The following WNT9A variants were observed in gnomAD, a reference collection of about 807,000 sequenced individuals.
WNT9A encodes Wnt family member 9A.
A neutral mutation model predicts 31.4 loss-of-function variants in WNT9A; 8 were observed. That is an observed-to-expected ratio of 0.26 (90% CI 0.15 to 0.46). WNT9A has a LOEUF of 0.46. WNT9A is among the 20% of genes least tolerant of loss of function. The pLI is 0.99. For missense variants in WNT9A, 457 were observed against 522.9 expected, an observed-to-expected ratio of 0.87 and a Z score of 1.23; for synonymous variants, 236 against 220.1, an observed-to-expected ratio of 1.07 and a Z score of -0.64.
intron 1 of WNT9A, among the ~76,000 whole-genome samples, chr1:227,929,666 T>C (rs1312922053): frequency 6.6e-6 from 1 of 152,234 alleles, no homozygotes; most frequent in Non-Finnish European, 1.5e-5. Flanking sequence ...AGACCTGGTC[T>C]CTATAAAATA....
At chr1:227,934,608 T>C (rs1439485646) in intron 1 of WNT9A, among the ~76,000 whole-genome samples, 1 of 152,220 alleles carries the variant, frequency 6.6e-6, no homozygotes, top group Admixed American at 6.5e-5. Flanking sequence ...CTTCCTTCTA[T>C]TTCCTTTCAC....
chr1:227,944,304 T>C (rs754507113), intron 1 of WNT9A, among the ~76,000 whole-genome samples: 7 of 152,120 alleles, frequency 4.6e-5, no homozygotes, highest in Non-Finnish European at 8.8e-5. Context: ...CTAGGAAACG[T>C]CCAGGACAGG....
Position 227,925,076 on chromosome 1 carries a change from G to C in WNT9A, c.352+187C>G, listed in dbSNP as rs1408932656. Among the ~76,000 whole-genome samples, 1 of 152,178 alleles carries C rather than the reference G, an allele frequency of 6.6e-6. No homozygotes were observed. Among genetic ancestry groups the C allele is most frequent in the Non-Finnish European group, 1.5e-5 (1 of 68,012 alleles). ...ACGACTGTGCGTGTGCCTAAAGCAA[G>C]GCAGGGCAGGCAGCACTCAGGGAGG... On this transcript the variant is annotated intron_variant, in intron 2 of 3. Transcript: ENST00000272164. This position sits in a 1 kb window ranked among gnomAD's most constrained non-coding sequence, Gnocchi z 6.0.
intron 1 of WNT9A, 23 bp downstream of exon 1, chr1:227,947,770 C>T: frequency 9.3e-7 from 1 of 1,073,498 alleles, no homozygotes. Context: ...CACCAGTGCG[C>T]GCCGGCCGCC....
chr1:227,919,776 C>T lies in WNT9A; in HGVS notation c.*1742G>A, dbSNP rs943089475. On this transcript the variant is annotated 3_prime_UTR_variant, in exon 4 of 4. Transcript: ENST00000272164. ...ACACGCTTACACACATTGACCACGC[C>T]AGCACACACGCACTCACAACACTCA... The T allele has an allele frequency of 2.0e-5, 3 of 148,746 alleles. No homozygotes were observed. Among genetic ancestry groups the T allele is most frequent in the African/African-American group, 4.9e-5 (2 of 40,572 alleles). 9.2% of individuals were successfully genotyped at this position (148,746 alleles called of 1,614,324 possible).
Position 227,924,191 on chromosome 1 carries a change from T to G in WNT9A, c.562A>C (p.Ser188Arg), listed in dbSNP as rs1666375565. 1 of 1,598,720 alleles carries G rather than the reference T, an allele frequency of 6.3e-7. No homozygotes were observed. The highest frequency in any genetic ancestry group is 2.3e-5 in the East Asian group (1 of 43,656). The change falls in exon 3 of 4, where the codon AGC becomes CGC. Residue 188 changes from serine to arginine, a missense_variant. By Grantham distance (110) the Ser-to-Arg change is moderately radical. Coordinates refer to ENST00000272164, the MANE Select transcript of WNT9A (RefSeq NM_003395.4). ...TCCACACGGGCTCGCAGATCCTTGC[T>G]TGACCGTCTGCCCAGGAATTCCTTG... ...FVKEFLGRRSSKDLRARVDFH... is the reference protein window; with the variant it reads ...FVKEFLGRRSRKDLRARVDFH...
intron 1 of WNT9A, among the ~76,000 whole-genome samples, chr1:227,930,269 A>G (rs1666486878): frequency 6.6e-6 from 1 of 152,166 alleles, no homozygotes. Context: ...TCAGTGGACA[A>G]GCAGAGCCCA....
rs759550427 is a variant in WNT9A at position 227,922,034 on chromosome 1, A to G, written c.616-34T>C. The G allele has an allele frequency of 1.1e-5, 17 of 1,566,824 alleles. No individual in the cohort carries two copies. In the African/African-American group the frequency reaches 1.9e-4, roughly 17 times the overall value. On this transcript the variant is annotated intron_variant, in intron 3 of 3. Transcript: ENST00000272164. ...AGGGTGCGGGAGGGAGGGCAGTGTG[A>G]GGGCTGTGCAGGTGGGCCCAGTGAG... is the stretch of plus-strand genomic sequence containing the variant.
Position 227,942,081 on chromosome 1 carries a change from G to A in WNT9A, c.95+5712C>T, listed in dbSNP as rs761696460. On this transcript the variant is annotated intron_variant, in intron 1 of 3. Transcript: ENST00000272164. This position sits in a 1 kb window ranked among gnomAD's most constrained non-coding sequence, Gnocchi z 5.7. ...CCCCAGAGCAGGGCACCCCCAGCCC[G>A]GGCCACCCCAGCAGCCGGCGGAAGG... Among the ~76,000 whole-genome samples, 7 of 152,064 alleles carry A rather than the reference G, an allele frequency of 4.6e-5. No individual in the cohort carries two copies. Among genetic ancestry groups the A allele is most frequent in the South Asian group, 2.1e-4 (1 of 4,822 alleles).
rs1163824122 is a variant in WNT9A, at chr1:227,925,331, A to AACTGGC, written c.278_283dup (p.Cys93_Gln94dup). On this transcript the variant is annotated inframe_insertion, in exon 2 of 4. Transcript: ENST00000272164. The surrounding 1 kb of genome is among the most constrained non-coding windows in gnomAD (Gnocchi z 6.0). ...GTTCCAGCGCTCAAAGCGGAACTGG[A>AACTGGC]ACTGGCACTCGAGCGCACTCATGCT... 6.2e-7 allele frequency: 1 copy of AACTGGC among 1,609,874 alleles called. No individual in the cohort carries two copies. Among genetic ancestry groups the AACTGGC allele is most frequent in the Non-Finnish European group, 8.5e-7 (1 of 1,178,962 alleles).
chr1:227,937,096 T>C (rs1666607683), intron 1 of WNT9A, among the ~76,000 whole-genome samples: 1 of 152,222 alleles, frequency 6.6e-6, no homozygotes, highest in Non-Finnish European at 1.5e-5. Context: ...CTGTTTCTAA[T>C]CTGCTTTTAA....
At chr1:227,922,797 T>C (rs1666345579) in intron 3 of WNT9A, among the ~76,000 whole-genome samples, 1 of 152,156 alleles carries the variant, frequency 6.6e-6, no homozygotes, top group African/African-American at 2.4e-5. Context: ...GGGAGGTCCC[T>C]TCCCAGGTGG....
chr1:227,932,635 T>A (rs1005207583), intron 1 of WNT9A, among the ~76,000 whole-genome samples: 2 of 152,228 alleles, frequency 1.3e-5, no homozygotes, highest in Non-Finnish European at 2.9e-5. Flanking sequence ...TTATGAAATG[T>A]CTTAAATAGT....
chr1:227,938,988 C>T (rs971800753), intron 1 of WNT9A, among the ~76,000 whole-genome samples: 1 of 152,212 alleles, frequency 6.6e-6, no homozygotes, highest in Non-Finnish European at 1.5e-5. Context: ...TTCATGACTG[C>T]TCTCCCCGGT....
intron 1 of WNT9A, among the ~76,000 whole-genome samples, chr1:227,945,455 G>A (rs1376211035): frequency 6.6e-6 from 1 of 152,230 alleles, no homozygotes; most frequent in Non-Finnish European, 1.5e-5. Flanking sequence ...GCCAGCCAGG[G>A]TTGGGTTGCA....
rs1185773492 is a variant in WNT9A, at chr1:227,921,949, A to G, written c.667T>C (p.Ser223Pro). 1.2e-6 allele frequency: 2 copies of G among 1,612,684 alleles called. No individual in the cohort carries two copies. Among genetic ancestry groups the G allele is most frequent in the Non-Finnish European group, 1.7e-6 (2 of 1,179,760 alleles). Residue 223 changes from serine (S) to proline (P), a missense_variant, in exon 4 of 4, where the codon TCA becomes CCA. Ser to Pro is a moderately conservative substitution (Grantham distance 74, BLOSUM62 -1). Coordinates refer to ENST00000272164, the MANE Select transcript of WNT9A (RefSeq NM_003395.4). Reference protein sequence around the residue: ...TTCKCHGVSGSCTVRTCWRQL... With the variant: ...TTCKCHGVSGPCTVRTCWRQL... ...CGCCAGCAGGTCCGCACCGTGCATG[A>G]GCCTGACACGCCGTGGCACTTGCAG...
Position 227,921,684 on chromosome 1 carries a change from C to T in WNT9A, c.932G>A (p.Arg311His), listed in dbSNP as rs777836213. Residue 311 changes from arginine to histidine, a missense_variant, in exon 4 of 4, where the codon CGT becomes CAT. Physicochemically the swap from Arg to His is conservative, Grantham distance 29. Coordinates refer to ENST00000272164, the MANE Select transcript of WNT9A (RefSeq NM_003395.4). ...AGRFSPGTAGRRCHREKNCES... is the reference protein window; with the variant it reads ...AGRFSPGTAGHRCHREKNCES... ...GCAGTTCTTCTCACGGTGGCACCTA[C>T]GGCCAGCGGTGCCCGGGGAGAAGCG... 5.0e-6 allele frequency: 8 copies of T among 1,612,984 alleles called. No homozygotes were observed. In the East Asian group the frequency reaches 6.7e-5, roughly 13 times the overall value.
rs1465667951 is a variant in WNT9A at position 227,925,707 on chromosome 1, G to GC, written c.96-189dup. Among the ~76,000 whole-genome samples the GC allele has an allele frequency of 2.6e-5, 4 of 152,082 alleles. No homozygotes were observed. The highest frequency in any genetic ancestry group is 5.9e-5 in the Non-Finnish European group (4 of 67,974). ...GGCCTTGGCCCCCTGCACACCCATG[G>GC]CCCCCACTCCAGCGAGCATGGTCTC... On this transcript the variant is annotated intron_variant, in intron 1 of 3. Transcript: ENST00000272164. This position sits in a 1 kb window ranked among gnomAD's most constrained non-coding sequence, Gnocchi z 6.0.
At chr1:227,927,912 G>A (rs1032575125) in intron 1 of WNT9A, among the ~76,000 whole-genome samples, 1 of 151,926 alleles carries the variant, frequency 6.6e-6, no homozygotes, top group Non-Finnish European at 1.5e-5. Flanking sequence ...AGAAGAAGAT[G>A]GGGAGGGGAA....
Sources: allele counts gnomAD v4.1 joint callset (sites outside exome capture counted in the v4.1 genomes callset), GRCh38; gene constraint gnomAD v4.1.1; non-coding constraint Gnocchi (gnomAD v3.1); transcripts MANE v1.5; gene names NCBI Gene and HGNC (gene_info 2026-07-23, HGNC 2026-07-21).